The following ZNF341 variants were observed in gnomAD, a reference collection of about 807,000 sequenced individuals.
ZNF341 encodes zinc finger protein 341.
Under a neutral mutation model 87.7 loss-of-function variants are expected in ZNF341, and 52 were observed. The ratio of observed to expected loss-of-function variants is 0.59; its 90% CI spans 0.47 to 0.75. ZNF341 has a LOEUF of 0.75. ZNF341 is among the 30% of genes least tolerant of loss of function. ZNF341 has a pLI of 0.00. For missense variants in ZNF341, 977 were observed against 1,145.9 expected (o/e 0.85, Z 2.13); for synonymous variants, 459 against 472.7 (o/e 0.97, Z 0.38).
intron 3 of ZNF341, among the ~76,000 whole-genome samples, chr20:33,747,442 C>T (rs545555904): frequency 2.8e-5 from 4 of 141,008 alleles, no homozygotes; most frequent in Non-Finnish European, 5.9e-5. Context: ...GGTGAAACCC[C>T]GTCTCTACTA....
chr20:33,749,143 C>T (rs2122654384), intron 4 of ZNF341, 71 bp downstream of exon 4: 1 of 1,544,260 alleles, frequency 6.5e-7, no homozygotes, highest in East Asian at 2.3e-5. Context: ...GATTCAGAAT[C>T]TTGTAGAATA....
intron 9 of ZNF341, among the ~76,000 whole-genome samples, chr20:33,769,170 C>T (rs1328755954): frequency 2.0e-5 from 3 of 152,034 alleles, no homozygotes; most frequent in African/African-American, 7.2e-5. Flanking sequence ...GAGTCCTAGT[C>T]AATGGAAAGT....
intron 1 of ZNF341, among the ~76,000 whole-genome samples, chr20:33,734,504 T>C (rs2018639873): frequency 6.6e-6 from 1 of 151,624 alleles, no homozygotes; most frequent in African/African-American, 2.4e-5. Flanking sequence ...ATTTGAGATG[T>C]ATTGGGGAGA....
intron 3 of ZNF341, among the ~76,000 whole-genome samples, chr20:33,747,352 A>T (rs979907191): frequency 6.7e-6 from 1 of 149,702 alleles, no homozygotes; most frequent in Admixed American, 6.6e-5. Context: ...GCGGTGGCTC[A>T]CGCCTGTAAT....
At chr20:33,789,072 C>T in intron 13 of ZNF341, 98 bp downstream of exon 13, 1 of 884,390 alleles carries the variant, frequency 1.1e-6, no homozygotes, top group South Asian at 1.8e-5. Flanking sequence ...TGAGGGCAGG[C>T]CTCTCCTTTT....
chr20:33,758,244 T>C (rs978958643), intron 6 of ZNF341, among the ~76,000 whole-genome samples: 3 of 152,198 alleles, frequency 2.0e-5, no homozygotes, highest in Admixed American at 6.6e-5. Flanking sequence ...AAAATGATTC[T>C]ACCTATTCAT....
At chr20:33,733,287 C>T (rs530916392) in intron 1 of ZNF341, among the ~76,000 whole-genome samples, 160 of 150,552 alleles carry the variant, frequency 1.1e-3, no homozygotes, top group African/African-American at 3.7e-3. Flanking sequence ...GGAGCGATCT[C>T]GGCTCACTGC....
rs768386828 is a variant in ZNF341, at chr20:33,753,156, T to C, written c.490-16T>C. 6 of 1,611,824 alleles carry C rather than the reference T, an allele frequency of 3.7e-6. No individual in the cohort carries two copies. The African/African-American group carries it at 8.0e-5, about 22-fold the overall frequency. ...GGTATCAAGAGGCTATAACACTTTT[T>C]CTTTTCTGATTTCAGAGCAGCCTGA... On this transcript the variant is annotated splice_polypyrimidine_tract_variant and intron_variant, in intron 4 of 14. Transcript: ENST00000375200.
At chr20:33,781,260 C>G in intron 10 of ZNF341, 31 bp from the exon 11 acceptor site, 1 of 1,577,036 alleles carries the variant, frequency 6.3e-7, no homozygotes, top group Non-Finnish European at 8.7e-7. Context: ...GCTGTGTTTC[C>G]TCCCTCATCT....
chr20:33,786,101 T>A (rs2019855986), intron 12 of ZNF341, among the ~76,000 whole-genome samples: 1 of 145,172 alleles, frequency 6.9e-6, no homozygotes, highest in African/African-American at 2.6e-5. Context: ...CCGCCTGAGT[T>A]CAAGCAATTC....
At chr20:33,746,084 C>T (rs1320179023) in intron 3 of ZNF341, among the ~76,000 whole-genome samples, 1 of 151,296 alleles carries the variant, frequency 6.6e-6, no homozygotes, top group East Asian at 1.9e-4. Context: ...GTGCCCGCCA[C>T]CACACCAGGC....
At chr20:33,752,454 G>T in intron 4 of ZNF341, 1 of 579,032 alleles carries the variant, frequency 1.7e-6, no homozygotes, top group African/African-American at 1.9e-5. Context: ...GGATGCACTT[G>T]TGAATGTTGA....
chr20:33,787,667 T>G (rs1372391221), intron 12 of ZNF341: 1 of 152,200 alleles, frequency 6.6e-6, no homozygotes, highest in Non-Finnish European at 1.5e-5. Flanking sequence ...TCTGGGTAGC[T>G]CAGATGGGCT....
At chr20:33,780,073 G>A (rs756953982) in intron 10 of ZNF341, among the ~76,000 whole-genome samples, 4 of 152,164 alleles carry the variant, frequency 2.6e-5, no homozygotes, top group African/African-American at 7.2e-5. Context: ...GGAGTGCATC[G>A]TGGGGGGCAA....
Position 33,783,748 on chromosome 20 carries a change from G to C in ZNF341, c.1736G>C (p.Arg579Pro). The C allele has an allele frequency of 6.2e-7, 1 of 1,613,790 alleles. No homozygotes were observed. Among genetic ancestry groups the C allele is most frequent in the Non-Finnish European group, 8.5e-7 (1 of 1,179,868 alleles). The change falls in exon 12 of 15, where the codon CGC (arginine) becomes CCC (proline). Residue 579 changes from arginine (R) to proline (P), a missense_variant. By Grantham distance (103) the Arg-to-Pro change is moderately radical (BLOSUM62 -2). This residue lies in a region of ZNF341 where 241 missense variants were observed against 335.0 expected (regional missense o/e 0.72). Transcript: ENST00000375200. ...CTCTCCCAGGTGTTTCCTTGTGAAC[G>C]CTACCTGCGGCGTCATCTGCCCACC... ...PHCQKVFPCE[R>P]YLRRHLPTHG...
intron 1 of ZNF341, among the ~76,000 whole-genome samples, chr20:33,736,632 G>A (rs180690114): frequency 1.4e-4 from 21 of 152,242 alleles, no homozygotes; most frequent in Non-Finnish European, 2.6e-4. Context: ...TGGGACTACA[G>A]GTGCGTGCCT....
chr20:33,768,160 T>A (rs924601602), intron 9 of ZNF341, among the ~76,000 whole-genome samples: 5 of 151,748 alleles, frequency 3.3e-5, no homozygotes, highest in Non-Finnish European at 2.9e-5. Flanking sequence ...TCTCACTCTG[T>A]CGCCCAGGCT....
chr20:33,742,661 CTCTG>C (rs543576022), intron 2 of ZNF341, among the ~76,000 whole-genome samples: 169 of 151,926 alleles, frequency 1.1e-3, no homozygotes, highest in African/African-American at 3.9e-3. Context: ...GATAGGGTCT[CTCTG>C]TGCTGCCCAG....
intron 1 of ZNF341, among the ~76,000 whole-genome samples, chr20:33,736,150 T>C (rs1250182778): frequency 6.9e-6 from 1 of 145,046 alleles, no homozygotes; most frequent in Non-Finnish European, 1.5e-5. Flanking sequence ...AAGTAAAAAC[T>C]GGAAACAGTT....
Sources: gnomAD v4.1 joint callset for allele counts (sites outside exome capture counted in the v4.1 genomes callset) on GRCh38, gnomAD v4.1.1 for gene constraint, gnomAD v4.1.1 regional missense constraint, MANE v1.5 for transcripts, NCBI Gene and HGNC (gene_info 2026-07-23, HGNC 2026-07-21) for gene names.